The following VPS39 variants were observed in gnomAD, a reference collection of about 807,000 sequenced individuals.
VPS39 encodes vam6/Vps39-like protein.
A neutral mutation model predicts 121.0 loss-of-function variants in VPS39; 70 were observed. The observed-to-expected ratio is 0.58, with a 90% CI of 0.48 to 0.71. The LOEUF is 0.71. VPS39 is among the 30% of genes least tolerant of loss of function. VPS39 has a pLI of 0.00. For synonymous variants in VPS39, 378 were observed against 398.1 expected, an observed-to-expected ratio of 0.95 and a Z score of 0.60; for missense variants, 818 against 1,051.5, an observed-to-expected ratio of 0.78 and a Z score of 3.07.
intron 8 of VPS39, among the ~76,000 whole-genome samples, chr15:42,182,887 C>T (rs926868927): frequency 1.3e-5 from 2 of 152,150 alleles, no homozygotes; most frequent in African/African-American, 4.8e-5. Context: ...CTTTTACATG[C>T]CTCTTAAACT....
intron 4 of VPS39, among the ~76,000 whole-genome samples, chr15:42,190,880 T>C (rs1021713489): frequency 4.6e-5 from 7 of 150,782 alleles, no homozygotes; most frequent in Admixed American, 3.3e-4. Flanking sequence ...AGACTTTGCA[T>C]AGAATAGGCT....
intron 8 of VPS39, among the ~76,000 whole-genome samples, chr15:42,181,611 C>T (rs1196788684): frequency 2.0e-5 from 3 of 151,932 alleles, no homozygotes; most frequent in Non-Finnish European, 4.4e-5. Flanking sequence ...AAAAAGCAAA[C>T]CACTAGATGC....
In VPS39 at chr15:42,205,268, A is replaced by G. The variant is rs183771485; in HGVS notation, c.73+2813T>C. 2.5e-3 allele frequency among the ~76,000 whole-genome samples: 377 copies of G among 152,316 alleles called. 3 individuals carry two copies. Among genetic ancestry groups the G allele is most frequent in the African/African-American group, 7.7e-3 (320 of 41,560 alleles). Reference sequence around the variant, plus strand: ...AGGCAATAATAATTAAATATATAAAATAACAGTAGATGGTGACCCATGATT... The same window carrying G: ...AGGCAATAATAATTAAATATATAAAGTAACAGTAGATGGTGACCCATGATT... On this transcript the variant is annotated intron_variant, in intron 1 of 24. Transcript: ENST00000318006.
At chr15:42,164,931 T>C (rs2049211828) in intron 18 of VPS39, 65 bp downstream of exon 18, 3 of 1,599,688 alleles carry the variant, frequency 1.9e-6, no homozygotes, top group Non-Finnish European at 2.6e-6. Context: ...CCACCACACG[T>C]GGCACCTGGG....
chr15:42,189,799 T>TA (rs2049786160), intron 4 of VPS39, among the ~76,000 whole-genome samples: 1 of 51,808 alleles, frequency 1.9e-5, no homozygotes, highest in Non-Finnish European at 6.9e-5. Flanking sequence ...ACACTCTTTT[T>TA]TTTTTTTTTT....
chr15:42,194,746 CA>C (rs752760242), intron 2 of VPS39, among the ~76,000 whole-genome samples: 7 of 151,914 alleles, frequency 4.6e-5, no homozygotes, highest in Non-Finnish European at 1.0e-4. Context: ...AACAAACAAA[CA>C]AAACCCACTG....
intron 24 of VPS39, 170 bp from the exon 25 acceptor site, chr15:42,160,999 A>C (rs1213203114): frequency 7.9e-6 from 5 of 634,178 alleles, no homozygotes; most frequent in African/African-American, 1.8e-5. Flanking sequence ...TGTAGCCATC[A>C]TCTCTGTCAA....
intron 7 of VPS39, among the ~76,000 whole-genome samples, chr15:42,185,178 C>CTTT (rs34792839): frequency 7.3e-5 from 10 of 136,238 alleles, no homozygotes; most frequent in South Asian, 2.3e-4. Context: ...TTGAAAACAA[C>CTTT]TTTTTTTTTT....
chr15:42,208,281 A>T lies in VPS39; in HGVS notation c.-128T>A. 8.1e-7 allele frequency: 1 copy of T among 1,241,078 alleles called. No individual in the cohort carries two copies. The highest frequency in any genetic ancestry group is 1.1e-6 in the Non-Finnish European group (1 of 899,710). 76.9% of individuals were successfully genotyped at this position (1,241,078 alleles called of 1,614,324 possible). On this transcript the variant is annotated 5_prime_UTR_variant, in exon 1 of 25. It introduces an in-frame stop codon into an upstream open reading frame of the 5' UTR. Transcript: ENST00000318006. Reference sequence around the variant, plus strand: ...GGAACCCCCCGGCTACAGGCCCTTCAACAACACAGCCATCGTCAACCCCGG... The same window carrying T: ...GGAACCCCCCGGCTACAGGCCCTTCTACAACACAGCCATCGTCAACCCCGG...
chr15:42,207,052 G>C (rs1292460076), intron 1 of VPS39, among the ~76,000 whole-genome samples: 1 of 152,214 alleles, frequency 6.6e-6, no homozygotes, highest in Non-Finnish European at 1.5e-5. Context: ...AAAGGAGGAA[G>C]GGTGCACATT....
At chr15:42,162,707 T>A in intron 21 of VPS39, 2 of 442,288 alleles carry the variant, frequency 4.5e-6, no homozygotes, top group Non-Finnish European at 7.9e-6. Flanking sequence ...TGCCTTGTAT[T>A]CGTTTACCAT....
chr15:42,198,037 G>A (rs2049980843), intron 2 of VPS39, among the ~76,000 whole-genome samples: 1 of 152,158 alleles, frequency 6.6e-6, no homozygotes, highest in Non-Finnish European at 1.5e-5. Context: ...CCAAGGCCCA[G>A]GAACATTAAC....
At chr15:42,166,743 C>G (rs368607276) in intron 14 of VPS39, 29 bp downstream of exon 14, 3 of 1,613,320 alleles carry the variant, frequency 1.9e-6, no homozygotes, top group African/African-American at 2.7e-5. Context: ...ACAAGAGCCC[C>G]TCCCAGATCC....
intron 11 of VPS39, among the ~76,000 whole-genome samples, chr15:42,171,842 G>A (rs2049353079): frequency 6.6e-6 from 1 of 151,978 alleles, no homozygotes; most frequent in Admixed American, 6.5e-5. Flanking sequence ...TCAGATAAGG[G>A]CAAGTTCTCT....
chr15:42,169,915 A>C, intron 11 of VPS39, 49 bp from the exon 12 acceptor site: 1 of 1,563,228 alleles, frequency 6.4e-7, no homozygotes, highest in Non-Finnish European at 8.7e-7. Context: ...CCAACAATTT[A>C]GGGATAAAAT....
intron 2 of VPS39, chr15:42,192,199 G>T: frequency 9.0e-7 from 1 of 1,108,298 alleles, no homozygotes; most frequent in Non-Finnish European, 1.3e-6. Flanking sequence ...TCACCAATGA[G>T]TCAAAAAGAG....
chr15:42,170,510 T>G (rs1272832321), intron 11 of VPS39, among the ~76,000 whole-genome samples: 1 of 151,982 alleles, frequency 6.6e-6, no homozygotes, highest in Non-Finnish European at 1.5e-5. Flanking sequence ...TCAAAAAAAT[T>G]TTTTAAAAGA....
chr15:42,160,779 T>C lies in VPS39; in HGVS notation c.2603A>G (p.Lys868Arg). The C allele has an allele frequency of 3.1e-6, 5 of 1,614,140 alleles. No individual in the cohort carries two copies. The highest frequency in any genetic ancestry group is 4.2e-6 in the Non-Finnish European group (5 of 1,180,014). The change falls in exon 25 of 25, where the codon AAA becomes AGA. Residue 868 changes from lysine (K) to arginine (R), a missense_variant. Lys to Arg is a conservative substitution (Grantham distance 26, BLOSUM62 2). Transcript: ENST00000318006. ...TCAAGTGTCAGCTGGGTTTACCTCT[T>C]TGGAACAGAAGTAATGGACGACCAC... ...NGVVVHYFCS[K>R]EVNPADT
At chr15:42,172,900 G>A (rs570120384) in intron 11 of VPS39, among the ~76,000 whole-genome samples, 1 of 152,312 alleles carries the variant, frequency 6.6e-6, no homozygotes, top group Non-Finnish European at 1.5e-5. Flanking sequence ...AATCTTGACT[G>A]ATACAGGGAA....
Sources: allele counts gnomAD v4.1 joint callset (sites outside exome capture counted in the v4.1 genomes callset), GRCh38; gene constraint gnomAD v4.1.1; transcripts MANE v1.5; gene names NCBI Gene and HGNC (gene_info 2026-07-23, HGNC 2026-07-21).